AKAP19: variants seen among roughly 807,000 people sequenced by gnomAD.
AKAP19 encodes small A-kinase anchoring protein.
chr2:190,158,220 C>T, the AKAP19 span, among the ~76,000 whole-genome samples: 5 of 152,114 alleles, frequency 3.3e-5, no homozygotes, highest in Admixed American at 1.3e-4. Context: ...TCGGGGAGCT[C>T]GGATTTTAAG....
the AKAP19 span, among the ~76,000 whole-genome samples, chr2:190,107,017 A>C: frequency 1.3e-5 from 2 of 152,350 alleles, no homozygotes; most frequent in South Asian, 2.1e-4. Context: ...CTGCCAAGTA[A>C]TCTTTGGCAA....
At chr2:190,196,144 A>AC in the AKAP19 span, among the ~76,000 whole-genome samples, 1 of 150,198 alleles carries the variant, frequency 6.7e-6, no homozygotes, top group Non-Finnish European at 1.5e-5. Context: ...TCCCTCCCCA[A>AC]CCCCCAATGT....
At chr2:190,180,663 G>C in the AKAP19 span, 8 of 985,394 alleles carry the variant, frequency 8.1e-6, no homozygotes, top group Non-Finnish European at 9.6e-6. This position sits in a 1 kb window ranked among gnomAD's most constrained non-coding sequence, Gnocchi z 6.8. Flanking sequence ...TGCGCCTGAG[G>C]AAGTATCGAG....
the AKAP19 span, among the ~76,000 whole-genome samples, chr2:189,895,222 A>G: frequency 2.0e-5 from 3 of 152,158 alleles, no homozygotes; most frequent in African/African-American, 7.2e-5. Flanking sequence ...GTGAAAAGGA[A>G]GATCACCACG....
chr2:190,100,329 G>A, the AKAP19 span, among the ~76,000 whole-genome samples: 1 of 152,204 alleles, frequency 6.6e-6, no homozygotes, highest in Non-Finnish European at 1.5e-5. Context: ...TTGAAGCCAG[G>A]AAATCAGCTA....
the AKAP19 span, among the ~76,000 whole-genome samples, chr2:189,894,207 T>A: frequency 2.5e-4 from 38 of 152,236 alleles, no homozygotes; most frequent in Non-Finnish European, 7.3e-5. Context: ...AATGAATACT[T>A]CTACTATCAG....
the AKAP19 span, among the ~76,000 whole-genome samples, chr2:190,065,052 A>G: frequency 1.9e-4 from 29 of 152,184 alleles, no homozygotes; most frequent in Non-Finnish European, 3.5e-4. Context: ...GAGGTCAAAC[A>G]AGGCAGGGTT....
the AKAP19 span, chr2:190,091,080 A>G: frequency 6.6e-6 from 1 of 152,252 alleles, no homozygotes; most frequent in Non-Finnish European, 1.5e-5. Context: ...CATTAATAGA[A>G]GAACCATCCA....
chr2:190,034,564 G>T, the AKAP19 span, among the ~76,000 whole-genome samples: 1 of 123,796 alleles, frequency 8.1e-6, no homozygotes, highest in Non-Finnish European at 1.7e-5. Context: ...AAAAAAATTG[G>T]CCAGGCACAG....
chr2:190,174,846 C>T, the AKAP19 span, among the ~76,000 whole-genome samples: 1 of 152,196 alleles, frequency 6.6e-6, no homozygotes, highest in African/African-American at 2.4e-5. Flanking sequence ...CTTATAGAAG[C>T]TTGGATTCAT....
the AKAP19 span, among the ~76,000 whole-genome samples, chr2:190,032,237 A>G: frequency 6.6e-5 from 10 of 152,202 alleles, no homozygotes; most frequent in African/African-American, 2.4e-4. Flanking sequence ...ACTAGAATTG[A>G]CATAACTCTA....
At chr2:189,980,575 G>T in the AKAP19 span, among the ~76,000 whole-genome samples, 1,819 of 152,090 alleles carry the variant, frequency 0.012, 111 homozygotes, top group East Asian at 0.17. Context: ...CCTCAAGTGA[G>T]CTGCCCGCCT....
At chr2:190,036,017 A>G in the AKAP19 span, among the ~76,000 whole-genome samples, 1 of 152,244 alleles carries the variant, frequency 6.6e-6, no homozygotes. Flanking sequence ...GCACTATTTC[A>G]GTGAAAAATT....
chr2:190,092,073 T>C, the AKAP19 span, among the ~76,000 whole-genome samples: 1 of 152,328 alleles, frequency 6.6e-6, no homozygotes, highest in Non-Finnish European at 1.5e-5. Context: ...TATATGGCAA[T>C]TTATTTCATT....
At chr2:190,144,679 A>G in the AKAP19 span, among the ~76,000 whole-genome samples, 1 of 152,212 alleles carries the variant, frequency 6.6e-6, no homozygotes, top group African/African-American at 2.4e-5. Context: ...TTGTTTTAAC[A>G]TAAAAATTTA....
the AKAP19 span, among the ~76,000 whole-genome samples, chr2:190,085,390 C>T: frequency 2.0e-5 from 3 of 152,282 alleles, no homozygotes; most frequent in African/African-American, 7.2e-5. Context: ...TCATTTTTAA[C>T]ACCGCTTCTG....
At chr2:190,114,164 A>G in the AKAP19 span, among the ~76,000 whole-genome samples, 1 of 152,196 alleles carries the variant, frequency 6.6e-6, no homozygotes, top group Non-Finnish European at 1.5e-5. Flanking sequence ...TTTGATCTAT[A>G]TCCATATACC....
the AKAP19 span, among the ~76,000 whole-genome samples, chr2:189,998,409 A>C: frequency 1.3e-5 from 2 of 152,216 alleles, no homozygotes; most frequent in African/African-American, 2.4e-5. Flanking sequence ...AATGAAAAAA[A>C]AATTTAATAA....
the AKAP19 span, among the ~76,000 whole-genome samples, chr2:190,122,329 CTGTTACCAGATCCT>C: frequency 6.6e-6 from 1 of 152,174 alleles, no homozygotes; most frequent in Non-Finnish European, 1.5e-5. Context: ...GGAAAGATGG[CTGTTACCAGATCCT>C]TGAGGCTGTT....
Sources: allele counts gnomAD v4.1 joint callset (sites outside exome capture counted in the v4.1 genomes callset), GRCh38; gene constraint gnomAD v4.1.1; non-coding constraint Gnocchi (gnomAD v3.1); transcripts MANE v1.5; gene names NCBI Gene and HGNC (gene_info 2026-07-23, HGNC 2026-07-21).